The following ELF2 variants were observed in gnomAD, a reference collection of about 807,000 sequenced individuals.
ELF2 encodes E74 like ETS transcription factor 2.
In ELF2, 11 loss-of-function variants were observed where a neutral mutation model predicts 54.8. That is an observed-to-expected ratio of 0.20 (90% CI 0.13 to 0.33). The LOEUF (loss-of-function observed/expected upper bound fraction) is 0.33. Among genes scored for constraint, ELF2 ranks in the 10% least tolerant of loss-of-function variants. ELF2 has a pLI of 1.00. For synonymous variants in ELF2, 203 were observed against 245.1 expected (o/e 0.83, Z 1.61); for missense variants, 513 against 703.0 (o/e 0.73, Z 3.06).
chr4:139,174,039 C>A (rs1347446924), intron 1 of ELF2, among the ~76,000 whole-genome samples: 1 of 147,662 alleles, frequency 6.8e-6, no homozygotes. Context: ...CTGGCTAACA[C>A]GGTGAAACCC....
chr4:139,152,840 AT>A (rs1345992123), intron 1 of ELF2, among the ~76,000 whole-genome samples: 3 of 149,316 alleles, frequency 2.0e-5, no homozygotes, highest in African/African-American at 7.3e-5. Context: ...ATATATATAT[AT>A]ATAGTTGTAA....
intron 1 of ELF2, among the ~76,000 whole-genome samples, chr4:139,148,277 G>A (rs1048862881): frequency 6.9e-6 from 1 of 144,454 alleles, no homozygotes; most frequent in East Asian, 2.1e-4. Flanking sequence ...GGCCTCTACA[G>A]TAGCTAGGAC....
In ELF2 at chr4:139,137,674, C is replaced by G. The variant is rs1560855272; in HGVS notation, c.28G>C (p.Gly10Arg). The G allele has an allele frequency of 6.2e-7, 1 of 1,614,044 alleles. No individual in the cohort carries two copies. The highest frequency in any genetic ancestry group is 1.3e-5 in the African/African-American group (1 of 75,050). MTSAVVDSG[G>R]TILELSSNGV... The stretch of plus-strand genomic sequence containing the variant: ...TTGCTGGAAAGCTCCAAAATAGTAC[C>G]TCCACTGTCAACCACTGCTGATGTC... The change falls in exon 3 of 10, where the codon GGT (glycine) becomes CGT (arginine). Residue 10 changes from glycine to arginine, a missense_variant. By Grantham distance (125) the Gly-to-Arg change is moderately radical. This residue lies in a region of ELF2 where 203 missense variants were observed against 245.9 expected (regional missense o/e 0.83). Coordinates refer to ENST00000686138, the MANE Select transcript of ELF2 (RefSeq NM_001331036.3).
At chr4:139,075,365 C>T (rs138731409) in intron 4 of ELF2, among the ~76,000 whole-genome samples, 3 of 152,328 alleles carry the variant, frequency 2.0e-5, no homozygotes, top group Non-Finnish European at 4.4e-5. Flanking sequence ...GGGGGGCTAG[C>T]TTAACCCATC....
Position 139,058,771 on chromosome 4 carries a change from G to GT in ELF2, c.*211dup. Reference sequence around the variant, plus strand: ...TTGATGGGTTCAGTTGTTTCCTACTGTAAGAGGCAGTTTTCTGTCAGCATC... The same window carrying GT: ...TTGATGGGTTCAGTTGTTTCCTACTGTTAAGAGGCAGTTTTCTGTCAGCATC... On this transcript the variant is annotated 3_prime_UTR_variant, in exon 10 of 10. Transcript: ENST00000686138. 1 of 612,412 alleles carries GT rather than the reference G, an allele frequency of 1.6e-6. No individual in the cohort carries two copies. Among genetic ancestry groups the GT allele is most frequent in the Non-Finnish European group, 2.6e-6 (1 of 377,848 alleles). The allele number at this position is 612,412 out of a possible 1,614,324, so 37.9% of individuals were successfully genotyped here. A position where few individuals can be genotyped will look rare whatever the true frequency, so the allele number is the denominator to read the frequency against.
intron 4 of ELF2, among the ~76,000 whole-genome samples, chr4:139,124,429 A>G (rs1578863961): frequency 6.6e-6 from 1 of 152,334 alleles, no homozygotes; most frequent in East Asian, 1.9e-4. Context: ...AAATGTATCA[A>G]AATAGTAAAG....
chr4:139,124,393 A>G (rs1191414266), intron 4 of ELF2, among the ~76,000 whole-genome samples: 2 of 152,222 alleles, frequency 1.3e-5, no homozygotes, highest in East Asian at 3.8e-4. Context: ...CAAAATTTTA[A>G]TCATGAAAGT....
chr4:139,160,209 C>T (rs1009561198), intron 1 of ELF2, among the ~76,000 whole-genome samples: 3 of 152,042 alleles, frequency 2.0e-5, no homozygotes, highest in Admixed American at 6.6e-5. Flanking sequence ...TGGTGGTGGG[C>T]GCCTGTAGTC....
intron 7 of ELF2, among the ~76,000 whole-genome samples, chr4:139,065,785 C>A (rs899279038): frequency 3.9e-5 from 6 of 152,068 alleles, no homozygotes; most frequent in Admixed American, 1.3e-4. Context: ...AGTGATACCA[C>A]TGAGGATAAG....
intron 1 of ELF2, among the ~76,000 whole-genome samples, chr4:139,157,800 A>C (rs1194746840): frequency 6.6e-6 from 1 of 152,184 alleles, no homozygotes; most frequent in African/African-American, 2.4e-5. Flanking sequence ...CCCAGGCATA[A>C]CCTAATCAAC....
intron 1 of ELF2, among the ~76,000 whole-genome samples, chr4:139,167,159 TA>T (rs1175934195): frequency 2.0e-5 from 3 of 152,254 alleles, no homozygotes; most frequent in African/African-American, 7.2e-5. Context: ...GTTGTTGGCA[TA>T]AGTTCATAAA....
chr4:139,093,129 C>T (rs957228335), intron 4 of ELF2, among the ~76,000 whole-genome samples: 1 of 151,906 alleles, frequency 6.6e-6, no homozygotes, highest in Non-Finnish European at 1.5e-5. Flanking sequence ...CCACGCCCGG[C>T]TAATTTTTTG....
At chr4:139,170,731 T>TATTA (rs1266233559) in intron 1 of ELF2, among the ~76,000 whole-genome samples, 1 of 147,642 alleles carries the variant, frequency 6.8e-6, no homozygotes, top group African/African-American at 2.5e-5. Context: ...TATTATATTA[T>TATTA]ATTATATTAA....
At position 139,059,497 on chromosome 4, in the gene ELF2, G is replaced by C; in HGVS notation, c.1268C>G (p.Thr423Ser). The change falls in exon 10 of 10, where the codon ACT becomes AGT. Residue 423 changes from threonine (T) to serine (S), a missense_variant. Thr to Ser is a moderately conservative substitution (Grantham distance 58). Around this residue, in one of 3 missense-constraint regions of ELF2, gnomAD observed 291 missense variants for 366.1 expected, o/e 0.79. Transcript: ENST00000686138. ...TGGAGAGGTCGCTGTTGTTGGACTA[G>C]TGCTGGTTATTAATGGTGCACCTGC... ...VNAGAPLITSTSPTTATSPKV... is the reference protein window; with the variant it reads ...VNAGAPLITSSSPTTATSPKV... The C allele has an allele frequency of 6.2e-7, 1 of 1,613,934 alleles. No individual in the cohort carries two copies. Among genetic ancestry groups the C allele is most frequent in the Non-Finnish European group, 8.5e-7 (1 of 1,179,850 alleles).
chr4:139,162,643 C>T (rs1247169073), intron 1 of ELF2, among the ~76,000 whole-genome samples: 1 of 152,138 alleles, frequency 6.6e-6, no homozygotes, highest in African/African-American at 2.4e-5. Context: ...GATAAATACT[C>T]ATTAAATGTC....
chr4:139,161,072 G>C (rs540245363), intron 1 of ELF2, among the ~76,000 whole-genome samples: 1 of 152,302 alleles, frequency 6.6e-6, no homozygotes, highest in South Asian at 2.1e-4. Flanking sequence ...ATGTTTAGGA[G>C]TGTTTTATAC....
chr4:139,136,461 T>A (rs1027089180), intron 3 of ELF2, among the ~76,000 whole-genome samples: 2 of 151,360 alleles, frequency 1.3e-5, no homozygotes, highest in African/African-American at 4.8e-5. Flanking sequence ...CAGACTGATG[T>A]CCTAACTTGT....
chr4:139,144,400 C>T (rs1357795793), intron 1 of ELF2, among the ~76,000 whole-genome samples: 1 of 152,174 alleles, frequency 6.6e-6, no homozygotes, highest in African/African-American at 2.4e-5. Context: ...CAGGAGAGTT[C>T]ACAAAGTTCT....
intron 4 of ELF2, among the ~76,000 whole-genome samples, chr4:139,074,306 T>C (rs919724792): frequency 3.9e-5 from 6 of 152,154 alleles, no homozygotes; most frequent in South Asian, 2.1e-4. Flanking sequence ...AGGGCAATTA[T>C]ATATTTTGAT....
Sources: gnomAD v4.1 joint callset for allele counts (sites outside exome capture counted in the v4.1 genomes callset) on GRCh38, gnomAD v4.1.1 for gene constraint, gnomAD v4.1.1 regional missense constraint, MANE v1.5 for transcripts, NCBI Gene and HGNC (gene_info 2026-07-23, HGNC 2026-07-21) for gene names.